The following UNKL variants were observed in gnomAD, a reference collection of about 807,000 sequenced individuals.
The protein encoded by UNKL is unk like zinc finger.
UNKL carries 60 observed loss-of-function variants against 78.0 expected under a neutral mutation model. The ratio of observed to expected loss-of-function variants is 0.77; its 90% CI spans 0.63 to 0.95. UNKL has a LOEUF of 0.95. UNKL is among the 40% of genes least tolerant of loss of function. The pLI, the probability that UNKL is intolerant of heterozygous loss-of-function variation, is 0.00. For synonymous variants in UNKL, 608 were observed against 474.8 expected (o/e 1.28, Z -3.65); for missense variants, 1,159 against 1,045.7 (o/e 1.11, Z -1.49).
rs1400058555 is a variant in UNKL at position 1,385,196 on chromosome 16, T to C, written c.1264+12A>G. On this transcript the variant is annotated intron_variant, in intron 10 of 14. Transcript: ENST00000389221. ...GGAGGTCAGGGAGAAAGGAGGACGG[T>C]GCTGGACTTACCGAGGACGGCCTCC... 7.8e-7 allele frequency: 1 copy of C among 1,278,614 alleles called. No homozygotes were observed. The highest frequency in any genetic ancestry group is 3.2e-5 in the East Asian group (1 of 31,598). The allele number at this position is 1,278,614 out of a possible 1,614,324, so 79.2% of individuals were successfully genotyped here.
chr16:1,375,953 T>C (rs2036182598), intron 10 of UNKL, among the ~76,000 whole-genome samples: 2 of 152,186 alleles, frequency 1.3e-5, no homozygotes, highest in Non-Finnish European at 2.9e-5. Flanking sequence ...ACTGAAGTCG[T>C]GCTGAGCAGC....
At position 1,403,042 on chromosome 16, in the gene UNKL, G is replaced by C; in HGVS notation, c.464+126C>G. 2 of 1,184,680 alleles carry C rather than the reference G, an allele frequency of 1.7e-6. No homozygotes were observed. The highest frequency in any genetic ancestry group is 1.1e-6 in the Non-Finnish European group (1 of 871,822). 73.4% of individuals were successfully genotyped at this position (1,184,680 alleles called of 1,614,324 possible). On this transcript the variant is annotated intron_variant, in intron 3 of 14. Transcript: ENST00000389221. This position sits in a 1 kb window ranked among gnomAD's most constrained non-coding sequence, Gnocchi z 4.8. ...TCCAGACTCAGAAAGAAATTCTGGA[G>C]GAGAGAGATTTGGGCCAGCAGAGCC...
rs146280068 is a variant in UNKL at position 1,366,379 on chromosome 16, C to T, written c.2063G>A (p.Arg688His). 27 of 1,595,014 alleles carry T rather than the reference C, an allele frequency of 1.7e-5. No homozygotes were observed. The highest frequency in any genetic ancestry group is 2.7e-5 in the African/African-American group (2 of 74,558). ...EAVDGVIFQLRAKQCVACRER... is the reference protein window; with the variant it reads ...EAVDGVIFQLHAKQCVACRER... ...CCGGCAGGCCACACACTGCTTGGCG[C>T]GGAGCTGGAAGATCACCTGCAGGGC... The change falls in exon 15 of 15, where the codon CGC (arginine) becomes CAC (histidine). Residue 688 changes from arginine to histidine, a missense_variant. Arg to His is a conservative substitution (Grantham distance 29, BLOSUM62 0). Coordinates refer to ENST00000389221, the MANE Select transcript of UNKL (RefSeq NM_001372107.1).
intron 2 of UNKL, among the ~76,000 whole-genome samples, chr16:1,408,212 C>T (rs1028421683): frequency 3.9e-5 from 6 of 152,214 alleles, no homozygotes; most frequent in Non-Finnish European, 7.3e-5. Context: ...AAGCGCCTGC[C>T]CCTCAGCTAC....
chr16:1,369,516 T>C (rs554572237), intron 12 of UNKL, among the ~76,000 whole-genome samples: 1 of 152,160 alleles, frequency 6.6e-6, no homozygotes, highest in Admixed American at 6.5e-5. Flanking sequence ...GTTACAGGCA[T>C]GCACCACCAC....
intron 3 of UNKL, among the ~76,000 whole-genome samples, 167 bp downstream of exon 3, chr16:1,403,000 CA>C (rs1313327401): frequency 1.3e-5 from 2 of 151,776 alleles, no homozygotes; most frequent in African/African-American, 4.8e-5. Flanking sequence ...TCAAAAAAAG[CA>C]AAAAAAGGAC....
At position 1,376,790 on chromosome 16, in the gene UNKL, C is replaced by T. The variant is rs576160352; in HGVS notation, c.1265-5179G>A. Among the ~76,000 whole-genome samples the T allele has an allele frequency of 1.3e-3, 192 of 152,174 alleles. 1 individual carries two copies. Among genetic ancestry groups the T allele is most frequent in the South Asian group, 2.7e-3 (13 of 4,818 alleles). ...TCCTATACGAACGTCCTCATTTGCACGTCAGGCCCAGTAAGAGATTAACAA... is the reference window on the plus strand; with the variant it reads ...TCCTATACGAACGTCCTCATTTGCATGTCAGGCCCAGTAAGAGATTAACAA... On this transcript the variant is annotated intron_variant, in intron 10 of 14. Transcript: ENST00000389221.
chr16:1,394,652 AG>A (rs35042011), intron 6 of UNKL, among the ~76,000 whole-genome samples: 1 of 152,206 alleles, frequency 6.6e-6, no homozygotes, highest in African/African-American at 2.4e-5. Context: ...AGACCCGGCA[AG>A]GGACAGACCA....
At chr16:1,398,508 T>A in intron 5 of UNKL, 7 of 1,267,348 alleles carry the variant, frequency 5.5e-6, no homozygotes, top group South Asian at 3.5e-5. Context: ...CAACAAGGAG[T>A]GGGGCGTCCT....
intron 14 of UNKL, among the ~76,000 whole-genome samples, chr16:1,366,622 TG>T (rs2035278208): frequency 6.6e-6 from 1 of 152,078 alleles, no homozygotes; most frequent in Non-Finnish European, 1.5e-5. Context: ...GACAGCCTCC[TG>T]GGGCCACCAC....
chr16:1,396,219 G>A (rs1049532412), intron 6 of UNKL, among the ~76,000 whole-genome samples: 39 of 151,432 alleles, frequency 2.6e-4, no homozygotes, highest in African/African-American at 8.3e-4. Context: ...TGGGATTACA[G>A]TGTGAGCCAC....
At position 1,414,646 on chromosome 16, in the gene UNKL, G is replaced by A; in HGVS notation, c.46C>T (p.Pro16Ser). ...KAAAAALSGS[P>S]PQTEKPTHYR... ...TGGGTCGGCTTCTCAGTCTGCGGGGGGGACCCGCTCAGCGCCGCTGCCGCC... is the reference window on the plus strand; with the variant it reads ...TGGGTCGGCTTCTCAGTCTGCGGGGAGGACCCGCTCAGCGCCGCTGCCGCC... Residue 16 changes from proline to serine, a missense_variant, in exon 1 of 15, where the codon CCC becomes TCC. Transcript: ENST00000389221. The A allele has an allele frequency of 2.6e-6, 3 of 1,141,454 alleles. No homozygotes were observed. The highest frequency in any genetic ancestry group is 3.3e-6 in the Non-Finnish European group (3 of 919,054). The allele number at this position is 1,141,454 out of a possible 1,614,324, so 70.7% of individuals were successfully genotyped here. A position where few individuals can be genotyped will look rare whatever the true frequency, so the allele number is the denominator to read the frequency against.
chr16:1,412,572 TG>T (rs2038088911), intron 2 of UNKL, among the ~76,000 whole-genome samples: 1 of 152,238 alleles, frequency 6.6e-6, no homozygotes, highest in Admixed American at 6.5e-5. Flanking sequence ...ATCAAGTCAC[TG>T]CACTCCAACC....
At chr16:1,367,428 TCCTCC>T (rs1162798972) in intron 13 of UNKL, 79 bp from the exon 14 acceptor site, 37 of 1,450,588 alleles carry the variant, frequency 2.6e-5, no homozygotes, top group Middle Eastern at 2.4e-4. Flanking sequence ...TCACCAGCGA[TCCTCC>T]CCTCCCCTCC....
chr16:1,369,902 G>A (rs2035648403), intron 12 of UNKL: 1 of 1,521,968 alleles, frequency 6.6e-7, no homozygotes, highest in Non-Finnish European at 8.8e-7. Context: ...TTGAACCTGG[G>A]AGGCGGAGGT....
intron 6 of UNKL, among the ~76,000 whole-genome samples, chr16:1,395,284 C>G (rs947490759): frequency 3.3e-5 from 5 of 151,674 alleles, no homozygotes; most frequent in Admixed American, 6.6e-5. Flanking sequence ...TCTCCTGCCT[C>G]AGCCTCCTGA....
chr16:1,365,404 G>A lies in UNKL; in HGVS notation c.*836C>T, dbSNP rs951844712. 1.3e-5 allele frequency: 2 copies of A among 152,304 alleles called. No homozygotes were observed. The highest frequency in any genetic ancestry group is 2.9e-5 in the Non-Finnish European group (2 of 68,048). 9.4% of individuals were successfully genotyped at this position (152,304 alleles called of 1,614,324 possible). On this transcript the variant is annotated 3_prime_UTR_variant, in exon 15 of 15. Transcript: ENST00000389221. ...GGTTAAGGGAGAAAACAAAACCCATGATGCTCCTTCACTTGCTCTCCGAGG... is the reference window on the plus strand; with the variant it reads ...GGTTAAGGGAGAAAACAAAACCCATAATGCTCCTTCACTTGCTCTCCGAGG...
chr16:1,414,110 G>A, intron 1 of UNKL, 55 bp from the exon 2 acceptor site: 2 of 1,488,832 alleles, frequency 1.3e-6, no homozygotes, highest in Non-Finnish European at 1.8e-6. Flanking sequence ...CAGGGACTCG[G>A]ACTCGTGGGC....
chr16:1,367,859 C>T lies in UNKL; in HGVS notation c.1586-1G>A. 1 of 1,561,784 alleles carries T rather than the reference C, an allele frequency of 6.4e-7. No homozygotes were observed. Among genetic ancestry groups the T allele is most frequent in the Non-Finnish European group, 8.7e-7 (1 of 1,153,742 alleles). On this transcript the variant is annotated splice_acceptor_variant, in intron 12 of 14. Coordinates refer to ENST00000389221, the MANE Select transcript of UNKL (RefSeq NM_001372107.1). LOFTEE classifies it high-confidence loss of function. ...ATGCTCCCGGGGACACCGTTCAAAC[C>T]TGAGTGTGAAACGGTCGATGACGGC...
Sources: allele counts gnomAD v4.1 joint callset (sites outside exome capture counted in the v4.1 genomes callset), GRCh38; gene constraint gnomAD v4.1.1; non-coding constraint Gnocchi (gnomAD v3.1); transcripts MANE v1.5; gene names NCBI Gene and HGNC (gene_info 2026-07-23, HGNC 2026-07-21).